The following CRTC3 variants were observed in gnomAD, a reference collection of about 807,000 sequenced individuals.
CRTC3 encodes the protein CREB-regulated transcription coactivator 3.
In CRTC3, 26 loss-of-function variants were observed where a neutral mutation model predicts 74.5. The observed-to-expected ratio is 0.35, with a 90% CI of 0.26 to 0.48. The LOEUF (loss-of-function observed/expected upper bound fraction) is 0.48, where lower values mean the gene tolerates loss of function less well. Ranked by LOEUF, CRTC3 falls within the 20% of genes least tolerant of loss-of-function variation. The pLI, the probability that CRTC3 is intolerant of heterozygous loss-of-function variation, is 0.99. For missense variants in CRTC3, 760 were observed against 787.3 expected (o/e 0.97, Z 0.41); for synonymous variants, 377 against 325.8 (o/e 1.16, Z -1.69).
In CRTC3 at chr15:90,638,813, C is replaced by A; in HGVS notation, c.1546C>A (p.Gln516Lys). ...SMRPGPAFPQ[Q>K]VPLVQQGSRE... is the part of the protein sequence containing the mutation. ...GAGGCCAGGCCCTGCCTTTCCTCAA[C>A]AGGTGGGTGATCGCCCCTGCCTTCT... Residue 516 changes from glutamine (Q) to lysine (K), a missense_variant and splice_region_variant, in exon 13 of 15, where the codon CAG becomes AAG. Transcript: ENST00000268184. The A allele has an allele frequency of 6.2e-7, 1 of 1,613,426 alleles. No individual in the cohort carries two copies. The highest frequency in any genetic ancestry group is 8.5e-7 in the Non-Finnish European group (1 of 1,179,368).
intron 13 of CRTC3, among the ~76,000 whole-genome samples, chr15:90,639,577 G>GTTTT: frequency 6.6e-6 from 1 of 150,698 alleles, no homozygotes. Context: ...AGACTCCTGA[G>GTTTT]TAATTGGGGT....
At chr15:90,548,872 CA>C (rs1321677194) in intron 2 of CRTC3, among the ~76,000 whole-genome samples, 2 of 152,038 alleles carry the variant, frequency 1.3e-5, no homozygotes, top group Non-Finnish European at 2.9e-5. Flanking sequence ...AGCCAATATT[CA>C]AAATAAAGAT....
At chr15:90,603,688 A>G (rs1968144129) in intron 4 of CRTC3, among the ~76,000 whole-genome samples, 2 of 152,154 alleles carry the variant, frequency 1.3e-5, no homozygotes, top group Non-Finnish European at 2.9e-5. Context: ...CACATTTAAA[A>G]TGTGTGTATC....
chr15:90,591,527 G>A (rs1196688358), intron 2 of CRTC3, among the ~76,000 whole-genome samples: 2 of 152,206 alleles, frequency 1.3e-5, no homozygotes, highest in South Asian at 2.1e-4. Context: ...CAGGAGCCCA[G>A]TTTGGCAGTA....
In CRTC3 at chr15:90,642,633, G is replaced by C. The variant is rs1969491098; in HGVS notation, c.*493G>C. ...CCAGAGGGCGAGGCCCTCCAGCGGGGGACATTCCCAGGCTGAGTGGACCCC... is the reference window on the plus strand; with the variant it reads ...CCAGAGGGCGAGGCCCTCCAGCGGGCGACATTCCCAGGCTGAGTGGACCCC... On this transcript the variant is annotated 3_prime_UTR_variant, in exon 15 of 15. Transcript: ENST00000268184. 1 of 243,860 alleles carries C rather than the reference G, an allele frequency of 4.1e-6. No individual in the cohort carries two copies. Among genetic ancestry groups the C allele is most frequent in the South Asian group, 1.4e-4 (1 of 6,938 alleles). 15.1% of individuals were successfully genotyped at this position (243,860 alleles called of 1,614,324 possible).
At chr15:90,616,674 C>T (rs1032230314) in intron 7 of CRTC3, among the ~76,000 whole-genome samples, 2 of 152,210 alleles carry the variant, frequency 1.3e-5, no homozygotes, top group African/African-American at 2.4e-5. Flanking sequence ...AGGGCTGGCC[C>T]TTGTTTTCTG....
chr15:90,633,082 T>C (rs1245855486), intron 11 of CRTC3, among the ~76,000 whole-genome samples: 1 of 151,572 alleles, frequency 6.6e-6, no homozygotes, highest in East Asian at 1.9e-4. Flanking sequence ...TCATTTATTA[T>C]AATTTTGGTT....
At position 90,635,725 on chromosome 15, in the gene CRTC3, C is replaced by T. The variant is rs559827447; in HGVS notation, c.1267-2721C>T. Among the ~76,000 whole-genome samples the T allele has an allele frequency of 3.9e-5, 6 of 152,074 alleles. No homozygotes were observed. The South Asian group carries it at 1.0e-3, about 26-fold the overall frequency. ...TCCCTAAAGGACACTCTTCCAATGTCGCACCTCGGCATATCAGGATTCCGG... is the reference window on the plus strand; with the variant it reads ...TCCCTAAAGGACACTCTTCCAATGTTGCACCTCGGCATATCAGGATTCCGG... On this transcript the variant is annotated intron_variant, in intron 11 of 14. Transcript: ENST00000268184.
Position 90,644,758 on chromosome 15 carries a change from G to A in CRTC3, c.*2618G>A, listed in dbSNP as rs547509760. ...CAGCACGTGAGCCTGCACTCACTGC[G>A]GCCTTTGTAACAAAACCAGTTGTGG... On this transcript the variant is annotated 3_prime_UTR_variant, in exon 15 of 15. Coordinates refer to ENST00000268184, the MANE Select transcript of CRTC3 (RefSeq NM_022769.5). 13 of 232,446 alleles carry A rather than the reference G, an allele frequency of 5.6e-5. No individual in the cohort carries two copies. Among genetic ancestry groups the A allele is most frequent in the Non-Finnish European group, 7.7e-5 (9 of 117,644 alleles). 14.4% of individuals were successfully genotyped at this position (232,446 alleles called of 1,614,324 possible). A position where few individuals can be genotyped will look rare whatever the true frequency, so the allele number is the denominator to read the frequency against.
At chr15:90,542,134 T>G (rs1236509817) in intron 2 of CRTC3, among the ~76,000 whole-genome samples, 5 of 151,878 alleles carry the variant, frequency 3.3e-5, no homozygotes. Context: ...TGTTTTTCTT[T>G]GCAACAGTCA....
chr15:90,620,888 A>G (rs1004931963), intron 9 of CRTC3, among the ~76,000 whole-genome samples: 4 of 152,196 alleles, frequency 2.6e-5, no homozygotes, highest in Non-Finnish European at 5.9e-5. Context: ...TCCTGTGAGT[A>G]TCTCACAGCA....
At chr15:90,534,292 G>A (rs1966681600) in intron 1 of CRTC3, among the ~76,000 whole-genome samples, 1 of 152,182 alleles carries the variant, frequency 6.6e-6, no homozygotes, top group African/African-American at 2.4e-5. Flanking sequence ...GTGGACACTG[G>A]CAGGAGCAGG....
At position 90,539,937 on chromosome 15, in the gene CRTC3, G is replaced by C. The variant is rs1966776439; in HGVS notation, c.133-102G>C. On this transcript the variant is annotated intron_variant, in intron 1 of 14. Coordinates refer to ENST00000268184, the MANE Select transcript of CRTC3 (RefSeq NM_022769.5). ...TTACGTCGAGAAGAAATTGAAACAAGACTTTCATTCTTGAACCGTTCCCCT... is the reference window on the plus strand; with the variant it reads ...TTACGTCGAGAAGAAATTGAAACAACACTTTCATTCTTGAACCGTTCCCCT... 5 of 808,488 alleles carry C rather than the reference G, an allele frequency of 6.2e-6. No homozygotes were observed. In the African/African-American group the frequency reaches 6.9e-5, roughly 11 times the overall value. 50.1% of individuals were successfully genotyped at this position (808,488 alleles called of 1,614,324 possible).
chr15:90,547,799 C>T (rs1233416570), intron 2 of CRTC3, among the ~76,000 whole-genome samples: 1 of 151,824 alleles, frequency 6.6e-6, no homozygotes, highest in Non-Finnish European at 1.5e-5. Context: ...CACATGTTGA[C>T]TGAATGGCTT....
At chr15:90,613,597 T>A (rs1443179785) in intron 6 of CRTC3, 1 of 152,230 alleles carries the variant, frequency 6.6e-6, no homozygotes, top group Non-Finnish European at 1.5e-5. Flanking sequence ...TTATTAGACA[T>A]TTCATTCAAA....
intron 2 of CRTC3, among the ~76,000 whole-genome samples, chr15:90,549,356 T>C (rs1431892571): frequency 1.3e-5 from 2 of 152,070 alleles, no homozygotes; most frequent in African/African-American, 4.8e-5. Flanking sequence ...AAATAAATTC[T>C]CAGTAAATTA....
chr15:90,547,149 G>A (rs6496688), intron 2 of CRTC3, among the ~76,000 whole-genome samples: 129,731 of 152,152 alleles, frequency 0.85, 55,582 homozygotes, highest in Middle Eastern at 0.93. Flanking sequence ...TATGGTATAC[G>A]ATACGATATT....
In CRTC3 at chr15:90,625,902, C is replaced by T; in HGVS notation, c.876C>T (p.Thr292=). The part of the protein sequence containing the change: ...YSTPLPASLD[T]TDHHFGSMSV... ...CACCCCTGCCAGCCTCCCTGGACAC[C>T]ACCGACCACCACTTTGGCAGTATGA... Residue 292 remains threonine, a synonymous_variant, in exon 10 of 15, where the codon ACC becomes ACT. Coordinates refer to ENST00000268184, the MANE Select transcript of CRTC3 (RefSeq NM_022769.5). 6.2e-7 allele frequency: 1 copy of T among 1,614,178 alleles called. No individual in the cohort carries two copies. The highest frequency in any genetic ancestry group is 8.5e-7 in the Non-Finnish European group (1 of 1,180,022).
intron 2 of CRTC3, among the ~76,000 whole-genome samples, chr15:90,552,550 CT>C (rs201279881): frequency 1.2e-5 from 1 of 81,070 alleles, no homozygotes; most frequent in South Asian, 4.5e-4. Context: ...TCCTTTCGTA[CT>C]CCCTAGGATG....
Sources: gnomAD v4.1 joint callset for allele counts (sites outside exome capture counted in the v4.1 genomes callset) on GRCh38, gnomAD v4.1.1 for gene constraint, MANE v1.5 for transcripts, NCBI Gene and HGNC (gene_info 2026-07-23, HGNC 2026-07-21) for gene names.